The following CRADD variants were observed in gnomAD, a reference collection of about 807,000 sequenced individuals.
The protein encoded by CRADD is death domain-containing protein CRADD.
CRADD carries 9 observed loss-of-function variants against 15.5 expected under a neutral mutation model. That is an observed-to-expected ratio of 0.58 (90% CI 0.35 to 1.01). The LOEUF is 1.01. Among genes scored for constraint, CRADD ranks in the 50% least tolerant of loss-of-function variants. CRADD has a pLI of 0.02. For missense variants in CRADD, 227 were observed against 250.3 expected, an observed-to-expected ratio of 0.91 and a Z score of 0.63; for synonymous variants, 118 against 107.6, an observed-to-expected ratio of 1.10 and a Z score of -0.60.
intron 2 of CRADD, among the ~76,000 whole-genome samples, chr12:93,680,343 G>C (rs1405215038): frequency 6.6e-6 from 1 of 152,000 alleles, no homozygotes; most frequent in Non-Finnish European, 1.5e-5. Context: ...TTAAATACTG[G>C]TTAAAAAAAA....
At chr12:93,696,703 T>C (rs1302706359) in intron 2 of CRADD, among the ~76,000 whole-genome samples, 1 of 151,938 alleles carries the variant, frequency 6.6e-6, no homozygotes, top group African/African-American at 2.4e-5. Context: ...CAGTTGGCCC[T>C]TTGTATCTAT....
chr12:93,782,521 G>A (rs1427238283), intron 2 of CRADD, among the ~76,000 whole-genome samples: 3 of 151,326 alleles, frequency 2.0e-5, no homozygotes, highest in Non-Finnish European at 4.4e-5. Flanking sequence ...TTAAGGGTGG[G>A]AGATGGAGCC....
At chr12:93,800,864 C>T (rs566494637) in intron 2 of CRADD, among the ~76,000 whole-genome samples, 1 of 152,278 alleles carries the variant, frequency 6.6e-6, no homozygotes, top group South Asian at 2.1e-4. Context: ...ATCTGGGCAC[C>T]CCTTAAGCCC....
chr12:93,700,476 G>T (rs1180156275), intron 2 of CRADD, among the ~76,000 whole-genome samples: 2 of 151,948 alleles, frequency 1.3e-5, no homozygotes, highest in Admixed American at 6.6e-5. Flanking sequence ...TGTCACCCAG[G>T]CTGGAGTGCA....
At position 93,730,038 on chromosome 12, in the gene CRADD, C is replaced by G. The variant is rs994259736; in HGVS notation, c.298+50966C>G. ...CAAATGGCCGCTGAATTCTTTACTA[C>G]TACTATATCACTATCACTACTACTA... is the stretch of plus-strand genomic sequence containing the variant. On this transcript the variant is annotated intron_variant, in intron 2 of 2. Coordinates refer to ENST00000332896, the MANE Select transcript of CRADD (RefSeq NM_003805.5). Among the ~76,000 whole-genome samples, 52 of 152,314 alleles carry G rather than the reference C, an allele frequency of 3.4e-4. 2 individuals are homozygous for G. The highest frequency in any genetic ancestry group is 3.4e-3 in the Middle Eastern group (1 of 294).
intron 2 of CRADD, among the ~76,000 whole-genome samples, chr12:93,791,303 T>C (rs764561272): frequency 4.0e-5 from 6 of 151,810 alleles, no homozygotes; most frequent in Non-Finnish European, 7.4e-5. Context: ...ATAAAGAAAA[T>C]GTGGTGCATA....
chr12:93,854,419 ACACCTTTCAAG>A (rs1360550111), downstream of CRADD, among the ~76,000 whole-genome samples: 2 of 152,136 alleles, frequency 1.3e-5, no homozygotes, highest in African/African-American at 4.8e-5. Flanking sequence ...CCATGTGGAA[ACACCTTTCAAG>A]CCTCTGTTTG....
chr12:93,682,387 T>C (rs924871482), intron 2 of CRADD, among the ~76,000 whole-genome samples: 2 of 152,238 alleles, frequency 1.3e-5, no homozygotes, highest in Non-Finnish European at 2.9e-5. Flanking sequence ...TACTTATTAA[T>C]TAATTTGTAT....
intron 2 of CRADD, among the ~76,000 whole-genome samples, chr12:93,868,391 AC>A (rs1475740875): frequency 1.3e-5 from 2 of 152,126 alleles, no homozygotes; most frequent in African/African-American, 4.8e-5. Flanking sequence ...CTAATTCATA[AC>A]CTATAACTCC....
At chr12:93,719,023 G>T (rs1956213618) in intron 2 of CRADD, among the ~76,000 whole-genome samples, 1 of 152,136 alleles carries the variant, frequency 6.6e-6, no homozygotes, top group Non-Finnish European at 1.5e-5. Flanking sequence ...GCCTCCCAAA[G>T]TGCTGGGATT....
At chr12:93,786,696 T>C (rs1216232014) in intron 2 of CRADD, among the ~76,000 whole-genome samples, 2 of 152,172 alleles carry the variant, frequency 1.3e-5, no homozygotes, top group East Asian at 1.9e-4. Context: ...TAAAACCAAA[T>C]AGATCTGTCA....
intron 2 of CRADD, among the ~76,000 whole-genome samples, chr12:93,782,898 A>T (rs964563084): frequency 2.6e-5 from 4 of 152,208 alleles, no homozygotes; most frequent in African/African-American, 9.7e-5. Flanking sequence ...ATAGGGAAAT[A>T]CGTGAAATCA....
At chr12:93,875,477 C>T (rs370912884) in intron 2 of CRADD, among the ~76,000 whole-genome samples, 6 of 151,918 alleles carry the variant, frequency 3.9e-5, no homozygotes, top group Admixed American at 2.0e-4. Context: ...TCTTCTCTTT[C>T]GTCTTTCTTT....
intron 2 of CRADD, among the ~76,000 whole-genome samples, chr12:93,727,884 G>C (rs1022035843): frequency 2.6e-5 from 4 of 152,140 alleles, no homozygotes; most frequent in Non-Finnish European, 5.9e-5. Flanking sequence ...CTGTTCAAGG[G>C]GGAAACTGGG....
chr12:93,714,695 T>A (rs1263220827), intron 2 of CRADD: 1 of 152,228 alleles, frequency 6.6e-6, no homozygotes, highest in East Asian at 1.9e-4. Flanking sequence ...CAGTCACAGC[T>A]ACCAACAGCA....
At chr12:93,685,740 C>T (rs1202492563) in intron 2 of CRADD, among the ~76,000 whole-genome samples, 1 of 152,178 alleles carries the variant, frequency 6.6e-6, no homozygotes, top group African/African-American at 2.4e-5. Context: ...TCCTGTGATC[C>T]CAGCATTTTG....
At chr12:93,777,478 G>A (rs1449554829) in intron 2 of CRADD, among the ~76,000 whole-genome samples, 2 of 152,214 alleles carry the variant, frequency 1.3e-5, no homozygotes, top group Non-Finnish European at 2.9e-5. Flanking sequence ...GTCAGAGAGA[G>A]GAAGCTGAGC....
At chr12:93,842,228 A>G (rs1367128843) in intron 2 of CRADD, among the ~76,000 whole-genome samples, 1 of 152,200 alleles carries the variant, frequency 6.6e-6, no homozygotes, top group Non-Finnish European at 1.5e-5. Flanking sequence ...TGCAAGGTGA[A>G]AACAGGAGGT....
intron 2 of CRADD, among the ~76,000 whole-genome samples, chr12:93,770,785 A>G (rs1957078610): frequency 6.6e-6 from 1 of 152,208 alleles, no homozygotes; most frequent in Non-Finnish European, 1.5e-5. Flanking sequence ...CACATTTCCA[A>G]ATGAAAAGAT....
Sources: allele counts gnomAD v4.1 joint callset (sites outside exome capture counted in the v4.1 genomes callset), GRCh38; gene constraint gnomAD v4.1.1; transcripts MANE v1.5; gene names NCBI Gene and HGNC (gene_info 2026-07-23, HGNC 2026-07-21).